The following STRN variants were observed in gnomAD, a reference collection of about 807,000 sequenced individuals.
STRN encodes protein phosphatase 2 regulatory subunit B'''alpha.
STRN carries 53 observed loss-of-function variants against 96.3 expected under a neutral mutation model. The ratio of observed to expected loss-of-function variants is 0.55; its 90% CI spans 0.44 to 0.69. The LOEUF is 0.69. STRN is among the 30% of genes least tolerant of loss of function. The pLI is 0.00. For missense variants in STRN, 987 were observed against 963.9 expected (o/e 1.02, Z -0.32); for synonymous variants, 428 against 355.9 (o/e 1.20, Z -2.28).
At position 36,902,727 on chromosome 2, in the gene STRN, T is replaced by G; in HGVS notation, c.516A>C (p.Thr172=). The G allele has an allele frequency of 6.2e-7, 1 of 1,609,534 alleles. No homozygotes were observed. The highest frequency in any genetic ancestry group is 1.3e-5 in the African/African-American group (1 of 75,002). ...TAGATTTCACATCTAGAATAGTATC[T>G]GTATAACCCACCTCCTGTAGATACC... ...LRQYLQEVGY[T]DTILDVKSKR... The change falls in exon 5 of 18, where the codon ACA becomes ACC. Residue 172 remains threonine (T), a synonymous_variant. Transcript: ENST00000263918.
chr2:36,961,921 T>C (rs1175377187), intron 1 of STRN, among the ~76,000 whole-genome samples: 3 of 152,220 alleles, frequency 2.0e-5, no homozygotes, highest in Non-Finnish European at 4.4e-5. Flanking sequence ...CAGCTGTTCC[T>C]TCTGTGTAGA....
intron 1 of STRN, among the ~76,000 whole-genome samples, chr2:36,928,906 C>T (rs1670494581): frequency 6.6e-6 from 1 of 150,392 alleles, no homozygotes. Flanking sequence ...CGAGACCACG[C>T]CACTGCACTC....
At chr2:36,849,943 C>G (rs1668178948) in intron 16 of STRN, 143 bp from the exon 17 acceptor site, 1 of 754,506 alleles carries the variant, frequency 1.3e-6, no homozygotes, top group African/African-American at 1.8e-5. Flanking sequence ...CCTAAAACAA[C>G]ATGTCTCCCT....
In STRN at chr2:36,878,028, C is replaced by T; in HGVS notation, c.1187-1G>A. ...GAAGGAGGAAATGTCAATGCTTCCA[C>T]TGAAGAGGGAAGACAAAGGAAACAT... On this transcript the variant is annotated splice_acceptor_variant, in intron 9 of 17. Coordinates refer to ENST00000263918, the MANE Select transcript of STRN (RefSeq NM_003162.4). LOFTEE classifies it high-confidence loss of function. 2.5e-6 allele frequency: 4 copies of T among 1,613,840 alleles called. No individual in the cohort carries two copies. The highest frequency in any genetic ancestry group is 3.4e-6 in the Non-Finnish European group (4 of 1,179,960).
intron 1 of STRN, among the ~76,000 whole-genome samples, chr2:36,950,883 G>C (rs1664737257): frequency 6.6e-6 from 1 of 152,154 alleles, no homozygotes; most frequent in Non-Finnish European, 1.5e-5. Flanking sequence ...TCAGAGACAA[G>C]ATTACAGTGT....
chr2:36,878,722 T>C (rs905987755), intron 9 of STRN, among the ~76,000 whole-genome samples: 4 of 152,124 alleles, frequency 2.6e-5, no homozygotes, highest in African/African-American at 9.7e-5. Context: ...TTATAGTTCA[T>C]CTAAAATTTT....
intron 9 of STRN, among the ~76,000 whole-genome samples, chr2:36,882,808 C>T (rs939608885): frequency 2.0e-5 from 3 of 152,214 alleles, no homozygotes; most frequent in Admixed American, 1.3e-4. Flanking sequence ...ACCTCCTGGG[C>T]TCAAGTGTCC....
intron 12 of STRN, among the ~76,000 whole-genome samples, chr2:36,864,315 T>G (rs2148142185): frequency 6.6e-6 from 1 of 152,296 alleles, no homozygotes; most frequent in South Asian, 2.1e-4. Context: ...TCTTAATATT[T>G]TGGGGTATGT....
In STRN at chr2:36,870,810, G is replaced by T. The variant is rs184169122; in HGVS notation, c.1324-1081C>A. Among the ~76,000 whole-genome samples, 1,142 of 152,068 alleles carry T rather than the reference G, an allele frequency of 7.5e-3. 16 individuals carry two copies. Among genetic ancestry groups the T allele is most frequent in the African/African-American group, 0.026 (1,093 of 41,478 alleles). ...AAAACAGCTTTAGACAGGTTAGAAGGCACTGTTATCACAAAAGATGACAGC... is the reference window on the plus strand; with the variant it reads ...AAAACAGCTTTAGACAGGTTAGAAGTCACTGTTATCACAAAAGATGACAGC... On this transcript the variant is annotated intron_variant, in intron 10 of 17. Coordinates refer to ENST00000263918, the MANE Select transcript of STRN (RefSeq NM_003162.4).
chr2:36,934,109 G>A (rs1400065379), intron 1 of STRN, among the ~76,000 whole-genome samples: 1 of 151,478 alleles, frequency 6.6e-6, no homozygotes, highest in Non-Finnish European at 1.5e-5. Flanking sequence ...ACTCCGTCTC[G>A]AAAGAAAAAA....
intron 4 of STRN, 57 bp from the exon 5 acceptor site, chr2:36,902,808 A>G: frequency 1.4e-6 from 2 of 1,387,514 alleles, no homozygotes; most frequent in Non-Finnish European, 2.0e-6. Flanking sequence ...TCTATAATTT[A>G]ATATGTAAAT....
At chr2:36,903,580 CAT>C (rs1669744460) in intron 4 of STRN, among the ~76,000 whole-genome samples, 1 of 152,110 alleles carries the variant, frequency 6.6e-6, no homozygotes, top group Non-Finnish European at 1.5e-5. Context: ...AAACATCGGA[CAT>C]TAACTTATAA....
At chr2:36,906,553 A>G (rs1183779081) in intron 3 of STRN, among the ~76,000 whole-genome samples, 3 of 152,206 alleles carry the variant, frequency 2.0e-5, no homozygotes. Flanking sequence ...GAATGATGGT[A>G]GAAGAGCCAA....
intron 13 of STRN, among the ~76,000 whole-genome samples, chr2:36,858,930 T>G (rs1202791551): frequency 1.3e-5 from 2 of 151,956 alleles, no homozygotes; most frequent in Non-Finnish European, 2.9e-5. Context: ...ACTTGGAGAG[T>G]GAAACCTAGA....
chr2:36,869,640 G>A lies in STRN; in HGVS notation c.1413C>T (p.Phe471=). 6.2e-7 allele frequency: 1 copy of A among 1,613,030 alleles called. No individual in the cohort carries two copies. Among genetic ancestry groups the A allele is most frequent in the Non-Finnish European group, 8.5e-7 (1 of 1,179,478 alleles). ...TTATCAAAACAGGCTCAATGGGATG[G>A]AAAGCAAGGGCTCGGATGCCATCAA... ...SHFDGIRALA[F]HPIEPVLITA... is the part of the protein sequence containing the mutation. The change falls in exon 11 of 18, where the codon TTC becomes TTT. Residue 471 remains phenylalanine (F), a synonymous_variant. Coordinates refer to ENST00000263918, the MANE Select transcript of STRN (RefSeq NM_003162.4).
At chr2:36,925,824 A>C (rs6734109) in intron 1 of STRN, among the ~76,000 whole-genome samples, 7,863 of 152,268 alleles carry the variant, frequency 0.052, 683 homozygotes, top group African/African-American at 0.18. Flanking sequence ...CAAGGTGTAC[A>C]GTACAGTTTG....
chr2:36,941,278 T>C (rs1670838872), intron 1 of STRN, among the ~76,000 whole-genome samples: 1 of 152,192 alleles, frequency 6.6e-6, no homozygotes, highest in Non-Finnish European at 1.5e-5. Flanking sequence ...ATTAGTTCAA[T>C]CTCTTCTGCA....
chr2:36,902,128 A>G (rs1669699324), intron 5 of STRN, among the ~76,000 whole-genome samples: 1 of 152,212 alleles, frequency 6.6e-6, no homozygotes, highest in African/African-American at 2.4e-5. Context: ...TTACGCTGTC[A>G]CTTCAAAATA....
chr2:36,949,487 A>T (rs890812365), intron 1 of STRN, among the ~76,000 whole-genome samples: 2 of 152,258 alleles, frequency 1.3e-5, no homozygotes, highest in Admixed American at 1.3e-4. Context: ...TGGCCAAGGG[A>T]GAAACCAGAA....
Sources: gnomAD v4.1 joint callset for allele counts (sites outside exome capture counted in the v4.1 genomes callset) on GRCh38, gnomAD v4.1.1 for gene constraint, MANE v1.5 for transcripts, NCBI Gene and HGNC (gene_info 2026-07-23, HGNC 2026-07-21) for gene names.